DAZAP1: variants seen among roughly 807,000 people sequenced by gnomAD.
DAZAP1 encodes DAZ associated protein 1.
DAZAP1 carries 6 observed loss-of-function variants against 60.1 expected under a neutral mutation model. That is an observed-to-expected ratio of 0.10 (90% confidence interval 0.05 to 0.20). The LOEUF is 0.20. Among genes scored for constraint, DAZAP1 ranks in the 10% least tolerant of loss-of-function variants. The probability of loss-of-function intolerance (pLI) is 1.00; values close to 1 mark genes in which losing one functional copy is unlikely to be tolerated. For synonymous variants in DAZAP1, 235 were observed against 215.9 expected (o/e 1.09, Z -0.78); for missense variants, 366 against 560.4 (o/e 0.65, Z 3.50).
intron 1 of DAZAP1, among the ~76,000 whole-genome samples, chr19:1,414,366 T>G (rs745369373): frequency 1.3e-5 from 2 of 152,178 alleles, no homozygotes; most frequent in Non-Finnish European, 2.9e-5. Flanking sequence ...TGGAGACCGA[T>G]GCAGTCCCCT....
intron 1 of DAZAP1, among the ~76,000 whole-genome samples, chr19:1,410,454 G>T (rs903296498): frequency 6.6e-6 from 1 of 152,212 alleles, no homozygotes; most frequent in Non-Finnish European, 1.5e-5. Flanking sequence ...GGGTTAGAGG[G>T]TTGGCACCAG....
At chr19:1,421,538 C>T (rs1282982884) in intron 5 of DAZAP1, among the ~76,000 whole-genome samples, 1 of 152,274 alleles carries the variant, frequency 6.6e-6, no homozygotes, top group Non-Finnish European at 1.5e-5. Flanking sequence ...ACCGTGGGGT[C>T]CAGTGTCAGA....
At position 1,426,041 on chromosome 19, in the gene DAZAP1, C is replaced by A; in HGVS notation, c.546+81C>A. ...AGGGGTTTCACTGGAAAGGAACATT[C>A]CTTCACGGAAAGGGTCGGGCGAGTT... On this transcript the variant is annotated intron_variant, in intron 7 of 11. Coordinates refer to ENST00000233078, the MANE Select transcript of DAZAP1 (RefSeq NM_018959.4). This position sits in a 1 kb window ranked among gnomAD's most constrained non-coding sequence, Gnocchi z 5.4. 9.5e-7 allele frequency: 1 copy of A among 1,050,168 alleles called. No individual in the cohort carries two copies. Among genetic ancestry groups the A allele is most frequent in the Non-Finnish European group, 1.5e-6 (1 of 666,702 alleles). The allele number at this position is 1,050,168 out of a possible 1,614,324, so 65.1% of individuals were successfully genotyped here.
rs1446346383 is a variant in DAZAP1 at position 1,418,383 on chromosome 19, C to T, written c.237+13C>T. 1 of 1,609,816 alleles carries T rather than the reference C, an allele frequency of 6.2e-7. No individual in the cohort carries two copies. The highest frequency in any genetic ancestry group is 1.3e-5 in the African/African-American group (1 of 74,862). ...AGATGGCCGAAACGTAAGTGCCCTT[C>T]CGGGAGCTCACACCCGCTCTCTGTC... On this transcript the variant is annotated intron_variant, in intron 3 of 11. Transcript: ENST00000233078. The surrounding 1 kb of genome is among the most constrained non-coding windows in gnomAD (Gnocchi z 5.7).
intron 4 of DAZAP1, among the ~76,000 whole-genome samples, chr19:1,420,087 C>G (rs11669008): frequency 8.9e-6 from 1 of 112,702 alleles, no homozygotes; most frequent in Non-Finnish European, 1.8e-5. Context: ...GTCACGGCAG[C>G]GAGCACTCAC....
At chr19:1,431,853 G>A (rs1487631332) in intron 10 of DAZAP1, among the ~76,000 whole-genome samples, 1 of 152,130 alleles carries the variant, frequency 6.6e-6, no homozygotes, top group Non-Finnish European at 1.5e-5. Context: ...TCACCTGCGG[G>A]CCCTGGGCCC....
chr19:1,432,684 C>A lies in DAZAP1; in HGVS notation c.1042C>A (p.Gln348Lys). ...AGCTCAGCCAGACTTCCCCTATGGT[C>A]AGTATGGTAAGTGGTCTCCTGCCAT... The part of the protein sequence containing the change: ...PTAQPDFPYG[Q>K]YAGYGQDLSG... The change falls in exon 11 of 12, where the codon CAG becomes AAG. Residue 348 changes from glutamine (Q) to lysine (K), a missense_variant. By Grantham distance (53) the Gln-to-Lys change is moderately conservative. Around this residue, in one of 3 missense-constraint regions of DAZAP1, gnomAD observed 240 missense variants for 308.8 expected, o/e 0.78. Transcript: ENST00000233078. This position sits in a 1 kb window ranked among gnomAD's most constrained non-coding sequence, Gnocchi z 4.9. 1 of 1,603,666 alleles carries A rather than the reference C, an allele frequency of 6.2e-7. No individual in the cohort carries two copies. Among genetic ancestry groups the A allele is most frequent in the South Asian group, 1.1e-5 (1 of 89,500 alleles).
At chr19:1,424,926 G>A (rs960450983) in intron 6 of DAZAP1, among the ~76,000 whole-genome samples, 1 of 152,166 alleles carries the variant, frequency 6.6e-6, no homozygotes, top group Admixed American at 6.5e-5. Context: ...AGAGCCCGGC[G>A]CACTCCTGCG....
chr19:1,419,698 A>G (rs943361095), intron 4 of DAZAP1, among the ~76,000 whole-genome samples: 2 of 152,216 alleles, frequency 1.3e-5, no homozygotes, highest in Non-Finnish European at 2.9e-5. Flanking sequence ...ATGGGCACGT[A>G]GTAAACTGCA....
intron 8 of DAZAP1, 39 bp downstream of exon 8, chr19:1,429,034 T>C (rs754189522): frequency 1.5e-5 from 23 of 1,537,014 alleles, no homozygotes; most frequent in Admixed American, 8.1e-5. Flanking sequence ...AATGTCCCCC[T>C]TCTCGGACTT....
chr19:1,414,124 A>C (rs1193051738), intron 1 of DAZAP1, among the ~76,000 whole-genome samples: 1 of 151,254 alleles, frequency 6.6e-6, no homozygotes, highest in African/African-American at 2.4e-5. Context: ...CAAGCAGTAC[A>C]CCTCGAGCTC....
At position 1,430,209 on chromosome 19, in the gene DAZAP1, CTG is replaced by C. The variant is rs1569094754; in HGVS notation, c.731-7_731-6del. On this transcript the variant is annotated splice_polypyrimidine_tract_variant and intron_variant, in intron 9 of 11. Coordinates refer to ENST00000233078, the MANE Select transcript of DAZAP1 (RefSeq NM_018959.4). ...GCGCTCTCTGTCCATCACCCCCGTA[CTG>C]TGTGTTTCAGGTGGCTATGGACCGC... 3 of 1,588,676 alleles carry C rather than the reference CTG, an allele frequency of 1.9e-6. No homozygotes were observed. Among genetic ancestry groups the C allele is most frequent in the Non-Finnish European group, 2.6e-6 (3 of 1,167,750 alleles).
chr19:1,415,353 A>ATATGTGTGTG (rs1555780985), intron 1 of DAZAP1, among the ~76,000 whole-genome samples: 2 of 109,374 alleles, frequency 1.8e-5, no homozygotes, highest in South Asian at 6.2e-4. Context: ...TCAGGGTTTT[A>ATATGTGTGTG]TGTGTGTGTG....
rs2083303552 is a variant in DAZAP1, at chr19:1,426,277, T to A, written c.546+317T>A. ...GGCTGGCTCCAGTGAAACCGCAGCG[T>A]TGCCTCAGGCTTGGTTTCCACGACC... On this transcript the variant is annotated intron_variant, in intron 7 of 11. Transcript: ENST00000233078. This position sits in a 1 kb window ranked among gnomAD's most constrained non-coding sequence, Gnocchi z 5.4. 2.7e-6 allele frequency: 1 copy of A among 369,530 alleles called. No homozygotes were observed. Among genetic ancestry groups the A allele is most frequent in the Admixed American group, 4.1e-5 (1 of 24,136 alleles). 22.9% of individuals were successfully genotyped at this position (369,530 alleles called of 1,614,324 possible). A position where few individuals can be genotyped will look rare whatever the true frequency, so the allele number is the denominator to read the frequency against.
chr19:1,434,845 CCGGCGGCAG>C lies in DAZAP1; in HGVS notation c.1162_1170del (p.Gly388_Gly390del). ...GTGCCAGGGTCGGGGGGCCCCCCCG[CCGGCGGCAG>C]CGGCTTTGGACGAGGGCAGAACCAC... On this transcript the variant is annotated inframe_deletion, in exon 12 of 12. Coordinates refer to ENST00000233078, the MANE Select transcript of DAZAP1 (RefSeq NM_018959.4). This position sits in a 1 kb window ranked among gnomAD's most constrained non-coding sequence, Gnocchi z 8.0. 5 of 1,603,958 alleles carry C rather than the reference CCGGCGGCAG, an allele frequency of 3.1e-6. No individual in the cohort carries two copies. Among genetic ancestry groups the C allele is most frequent in the Non-Finnish European group, 4.3e-6 (5 of 1,175,646 alleles).
In DAZAP1 at chr19:1,428,710, G is replaced by C; in HGVS notation, c.547-132G>C. ...AAAAAATGCTACTGGCCTAAATAAG[G>C]TTTATAGTTAAGTATTTAGTCTTAA... On this transcript the variant is annotated intron_variant, in intron 7 of 11. Coordinates refer to ENST00000233078, the MANE Select transcript of DAZAP1 (RefSeq NM_018959.4). This position sits in a 1 kb window ranked among gnomAD's most constrained non-coding sequence, Gnocchi z 4.0. 9.0e-7 allele frequency: 1 copy of C among 1,114,462 alleles called. No homozygotes were observed. Among genetic ancestry groups the C allele is most frequent in the Non-Finnish European group, 1.3e-6 (1 of 779,478 alleles). The allele number at this position is 1,114,462 out of a possible 1,614,324, so 69.0% of individuals were successfully genotyped here.
chr19:1,434,984 C>A lies in DAZAP1; in HGVS notation c.*72C>A. On this transcript the variant is annotated 3_prime_UTR_variant, in exon 12 of 12. Coordinates refer to ENST00000233078, the MANE Select transcript of DAZAP1 (RefSeq NM_018959.4). The surrounding 1 kb of genome is among the most constrained non-coding windows in gnomAD (Gnocchi z 8.0). Reference sequence around the variant, plus strand: ...CTTGTGAACTCGTGACAATCACAAACTTGGCGGCAAAGTGGCGACTCAACC... The same window carrying A: ...CTTGTGAACTCGTGACAATCACAAAATTGGCGGCAAAGTGGCGACTCAACC... 1.0e-6 allele frequency: 1 copy of A among 973,532 alleles called. No individual in the cohort carries two copies. Among genetic ancestry groups the A allele is most frequent in the Non-Finnish European group, 1.3e-6 (1 of 796,602 alleles). The allele number at this position is 973,532 out of a possible 1,614,324, so 60.3% of individuals were successfully genotyped here.
Position 1,433,637 on chromosome 19 carries a change from G to C in DAZAP1, c.1048+947G>C, listed in dbSNP as rs764883288. The C allele has an allele frequency of 7.1e-5, 66 of 925,702 alleles. 1 individual carries two copies. The Admixed American group carries it at 1.1e-3, about 15-fold the overall frequency. The allele number at this position is 925,702 out of a possible 1,614,324, so 57.3% of individuals were successfully genotyped here. On this transcript the variant is annotated intron_variant, in intron 11 of 11. Coordinates refer to ENST00000233078, the MANE Select transcript of DAZAP1 (RefSeq NM_018959.4). This position sits in a 1 kb window ranked among gnomAD's most constrained non-coding sequence, Gnocchi z 6.1. ...ACCAAACCCTGGCGTGTCTGAGACT[G>C]GCAGGGGGGTGTGAGGCGCCCGGTT...
At chr19:1,431,422 C>T (rs2083449730) in intron 10 of DAZAP1, among the ~76,000 whole-genome samples, 1 of 151,958 alleles carries the variant, frequency 6.6e-6, no homozygotes, top group Admixed American at 6.6e-5. Context: ...AGCCACCGCG[C>T]CCGGACTATT....
Sources: gnomAD v4.1 joint callset for allele counts (sites outside exome capture counted in the v4.1 genomes callset) on GRCh38, gnomAD v4.1.1 for gene constraint, gnomAD v4.1.1 regional missense constraint, Gnocchi (gnomAD v3.1) non-coding constraint, MANE v1.5 for transcripts, NCBI Gene and HGNC (gene_info 2026-07-23, HGNC 2026-07-21) for gene names.